Variants in TRMT11 observed in about 807,000 individuals in gnomAD.
The protein encoded by TRMT11 is tRNA methyltransferase 11, also known as tRNA (guanine(10)-N(2))-methyltransferase TRMT11.
Under a neutral mutation model 62.8 loss-of-function variants are expected in TRMT11, and 53 were observed. The observed-to-expected ratio is 0.84, with a 90% CI of 0.68 to 1.06. TRMT11 has a LOEUF of 1.06. TRMT11 is among the 50% of genes least tolerant of loss of function. The pLI, the probability that TRMT11 is intolerant of heterozygous loss-of-function variation, is 0.00. For missense variants in TRMT11, 556 were observed against 553.4 expected, an observed-to-expected ratio of 1.00 and a Z score of -0.05; for synonymous variants, 188 against 190.3, an observed-to-expected ratio of 0.99 and a Z score of 0.10.
At chr6:126,167,063 G>A (rs1230845343) in intron 21 of TRMT11, among the ~76,000 whole-genome samples, 1 of 152,090 alleles carries the variant, frequency 6.6e-6, no homozygotes. Flanking sequence ...ATTGGGGGTG[G>A]GATCCACTGA....
intron 21 of TRMT11, among the ~76,000 whole-genome samples, chr6:126,149,066 T>C (rs1037758135): frequency 3.3e-5 from 5 of 152,226 alleles, no homozygotes; most frequent in African/African-American, 1.2e-4. Flanking sequence ...AGCAAGTAGA[T>C]AGTATCTGGT....
chr6:126,011,451 A>C (rs1209166878), intron 9 of TRMT11, 34 bp downstream of exon 9: 1 of 1,570,098 alleles, frequency 6.4e-7, no homozygotes, highest in Non-Finnish European at 8.7e-7. Flanking sequence ...TAGGAGTAGG[A>C]TTCGTTTTGT....
At chr6:126,012,899 T>C in intron 10 of TRMT11, 47 bp downstream of exon 10, 3 of 1,608,872 alleles carry the variant, frequency 1.9e-6, no homozygotes, top group Non-Finnish European at 2.6e-6. Flanking sequence ...AGAAGAGGCA[T>C]GTGGCTTCCC....
chr6:126,111,285 C>G (rs1447741581), intron 17 of TRMT11, among the ~76,000 whole-genome samples: 1 of 152,020 alleles, frequency 6.6e-6, no homozygotes, highest in African/African-American at 2.4e-5. Flanking sequence ...ATCAAGTTCT[C>G]AAGCTGCAAG....
the TRMT11 span, chr6:126,257,891 T>G: frequency 2.8e-6 from 4 of 1,427,356 alleles, no homozygotes; most frequent in Non-Finnish European, 3.9e-6. Context: ...GTGATTGTCC[T>G]GAGCCACCAT....
chr6:126,194,880 T>C (rs1778646676), intron 1 of TRMT11, among the ~76,000 whole-genome samples: 1 of 152,072 alleles, frequency 6.6e-6, no homozygotes, highest in Non-Finnish European at 1.5e-5. Flanking sequence ...TTTGGGAGGC[T>C]GAGGAGGGAG....
At chr6:126,008,962 T>G (rs1793782884) in intron 8 of TRMT11, among the ~76,000 whole-genome samples, 1 of 151,954 alleles carries the variant, frequency 6.6e-6, no homozygotes, top group South Asian at 2.1e-4. Context: ...TTATGATCCA[T>G]TGTGTACAGA....
At chr6:126,067,697 C>T (rs577135846) in intron 17 of TRMT11, among the ~76,000 whole-genome samples, 12 of 152,166 alleles carry the variant, frequency 7.9e-5, no homozygotes, top group African/African-American at 2.9e-4. Context: ...TGGGTTGATA[C>T]CTCAGAATTT....
downstream of TRMT11, among the ~76,000 whole-genome samples, chr6:126,043,881 G>A (rs1403411144): frequency 3.8e-4 from 58 of 152,134 alleles, no homozygotes; most frequent in Non-Finnish European, 2.2e-4. Flanking sequence ...CATATCCTTT[G>A]CCCACTTTTT....
intron 21 of TRMT11, among the ~76,000 whole-genome samples, chr6:126,134,275 A>G (rs1005404315): frequency 1.3e-5 from 2 of 151,940 alleles, no homozygotes; most frequent in Non-Finnish European, 2.9e-5. Flanking sequence ...CTGAAAAGAC[A>G]TACATAGACT....
At chr6:126,220,356 G>A in the TRMT11 span, among the ~76,000 whole-genome samples, 1 of 152,154 alleles carries the variant, frequency 6.6e-6, no homozygotes, top group East Asian at 1.9e-4. Flanking sequence ...AAAAACAGAG[G>A]AGCCAGAGCT....
chr6:126,157,531 G>A (rs1224616521), intron 21 of TRMT11, among the ~76,000 whole-genome samples: 1 of 152,136 alleles, frequency 6.6e-6, no homozygotes, highest in African/African-American at 2.4e-5. Context: ...CTCTTTTCCT[G>A]AGTCAATGAA....
chr6:126,246,614 A>T, the TRMT11 span, among the ~76,000 whole-genome samples: 7 of 152,196 alleles, frequency 4.6e-5, no homozygotes, highest in Admixed American at 1.3e-4. Context: ...ATATTAAAGG[A>T]TGAAATATCA....
intron 11 of TRMT11, among the ~76,000 whole-genome samples, chr6:126,014,275 G>A (rs532870400): frequency 6.6e-6 from 1 of 151,166 alleles, no homozygotes; most frequent in Non-Finnish European, 1.5e-5. Context: ...TTTTGAGACA[G>A]GGTTTCACTT....
chr6:126,051,377 G>A (rs1776213804), intron 16 of TRMT11, among the ~76,000 whole-genome samples: 1 of 152,088 alleles, frequency 6.6e-6, no homozygotes, highest in South Asian at 2.1e-4. Flanking sequence ...GTGTGAACTG[G>A]GGATCAACAA....
chr6:126,138,947 T>C (rs759820060), intron 21 of TRMT11, among the ~76,000 whole-genome samples: 7 of 152,050 alleles, frequency 4.6e-5, no homozygotes, highest in Non-Finnish European at 8.8e-5. Context: ...TCAGTAGTCT[T>C]ACATTTTATT....
chr6:126,025,489 A>G (rs17053745), intron 12 of TRMT11, among the ~76,000 whole-genome samples: 17,983 of 152,240 alleles, frequency 0.12, 3,444 homozygotes, highest in African/African-American at 0.4. Flanking sequence ...TCTTCCCTAT[A>G]TAAGATCAAA....
In TRMT11 at chr6:126,189,341, C is replaced by T. The variant is rs184799314; in HGVS notation, n.144-9458C>T. On this transcript the variant is annotated intron_variant and non_coding_transcript_variant, in intron 1 of 3. Transcript: ENST00000444229. Reference sequence around the variant, plus strand: ...ATTGTAGGTATTCACTAAATTGCAGCTCATATTATTAACTAAAATCCTTCT... The same window carrying T: ...ATTGTAGGTATTCACTAAATTGCAGTTCATATTATTAACTAAAATCCTTCT... 2.6e-4 allele frequency among the ~76,000 whole-genome samples: 40 copies of T among 152,196 alleles called. No individual in the cohort carries two copies. In the East Asian group the frequency reaches 6.8e-3, roughly 26 times the overall value.
intron 21 of TRMT11, among the ~76,000 whole-genome samples, chr6:126,117,490 G>A (rs1253077199): frequency 6.6e-6 from 1 of 152,052 alleles, no homozygotes. Flanking sequence ...TGAGCAATCA[G>A]AGCAATCATC....
Sources: allele counts gnomAD v4.1 joint callset (sites outside exome capture counted in the v4.1 genomes callset), GRCh38; gene constraint gnomAD v4.1.1; transcripts MANE v1.5; gene names NCBI Gene and HGNC (gene_info 2026-07-23, HGNC 2026-07-21).